ABI1: variants seen among roughly 807,000 people sequenced by gnomAD.
ABI1 encodes Abelson interactor 1.
In ABI1, 14 loss-of-function variants were observed where a neutral mutation model predicts 54.6. That is an observed-to-expected ratio of 0.26 (90% CI 0.17 to 0.40). The LOEUF (loss-of-function observed/expected upper bound fraction) is 0.40. ABI1 is among the 10% of genes least tolerant of loss of function. ABI1 has a pLI of 1.00. For synonymous variants in ABI1, 194 were observed against 209.3 expected, an observed-to-expected ratio of 0.93 and a Z score of 0.63; for missense variants, 443 against 598.3, an observed-to-expected ratio of 0.74 and a Z score of 2.71.
intron 2 of ABI1, among the ~76,000 whole-genome samples, chr10:26,784,800 A>G (rs1842535388): frequency 6.6e-6 from 1 of 152,240 alleles, no homozygotes; most frequent in Admixed American, 6.5e-5. Flanking sequence ...AGAGGCATTC[A>G]GGACGGTCTA....
chr10:26,798,073 C>A (rs185165177), intron 2 of ABI1, among the ~76,000 whole-genome samples: 1 of 151,900 alleles, frequency 6.6e-6, no homozygotes, highest in Non-Finnish European at 1.5e-5. Flanking sequence ...AAAGAAAATC[C>A]AGGGAGACTA....
Position 26,820,539 on chromosome 10 carries a change from T to C in ABI1, c.285+2599A>G, listed in dbSNP as rs575205441. On this transcript the variant is annotated intron_variant, in intron 2 of 10. Transcript: ENST00000376140. ...AACTTAGAAATTATATTCAGCTAAATGAAAATGAAAGCATAACATATCTAA... is the reference window on the plus strand; with the variant it reads ...AACTTAGAAATTATATTCAGCTAAACGAAAATGAAAGCATAACATATCTAA... Among the ~76,000 whole-genome samples, 6 of 150,394 alleles carry C rather than the reference T, an allele frequency of 4.0e-5. No individual in the cohort carries two copies. The East Asian group carries it at 1.2e-3, about 29-fold the overall frequency.
rs2047700721 is a variant in ABI1 at position 26,818,141 on chromosome 10, A to T, written c.285+4997T>A. ...GCCACTGCACTCCAGCTTGGGAGAC[A>T]GAGCAAGACTCCATCTCAAAAAAAA... On this transcript the variant is annotated intron_variant, in intron 2 of 10. Coordinates refer to ENST00000376140, the MANE Select transcript of ABI1 (RefSeq NM_001012750.3). Among the ~76,000 whole-genome samples the T allele has an allele frequency of 2.3e-5, 3 of 128,538 alleles. No homozygotes were observed. The Admixed American group carries it at 2.7e-4, about 12-fold the overall frequency. The allele number at this position is 128,538 out of a possible 152,430, so 84.3% of individuals were successfully genotyped here.
At chr10:26,839,974 A>G (rs1203625540) in intron 1 of ABI1, among the ~76,000 whole-genome samples, 1 of 152,138 alleles carries the variant, frequency 6.6e-6, no homozygotes, top group Admixed American at 6.5e-5. Context: ...GGGGTGACAT[A>G]GAGAGATCCT....
chr10:26,756,733 T>C (rs1008013156), intron 8 of ABI1, among the ~76,000 whole-genome samples: 5 of 152,130 alleles, frequency 3.3e-5, no homozygotes, highest in Non-Finnish European at 7.4e-5. Flanking sequence ...TAGGACTAGA[T>C]AGCAAAATTT....
chr10:26,751,103 A>C (rs952220888), intron 10 of ABI1, among the ~76,000 whole-genome samples: 10 of 152,080 alleles, frequency 6.6e-5, no homozygotes, highest in African/African-American at 2.4e-4. Flanking sequence ...TTTTTTACTT[A>C]TAACAGGTTT....
chr10:26,791,735 G>A (rs1286147637), intron 2 of ABI1, among the ~76,000 whole-genome samples: 4 of 152,086 alleles, frequency 2.6e-5, no homozygotes, highest in Admixed American at 6.6e-5. Flanking sequence ...GTATCTTACA[G>A]TGATAGCACA....
chr10:26,858,553 A>C (rs12218730), intron 1 of ABI1, among the ~76,000 whole-genome samples: 7,681 of 144,928 alleles, frequency 0.053, 208 homozygotes, highest in East Asian at 0.13. Flanking sequence ...AAAAAAAAAA[A>C]AAAAAAAAAA....
intron 2 of ABI1, among the ~76,000 whole-genome samples, chr10:26,804,685 G>T (rs753853482): frequency 2.1e-4 from 32 of 152,036 alleles, no homozygotes; most frequent in Non-Finnish European, 4.3e-4. Context: ...AATCTCCAAG[G>T]TTAGCACTAT....
intron 9 of ABI1, 90 bp from the exon 10 acceptor site, chr10:26,751,873 G>A: frequency 8.6e-7 from 1 of 1,163,246 alleles, no homozygotes; most frequent in Non-Finnish European, 1.2e-6. Context: ...TCTAACTTAA[G>A]TACAGCATGC....
chr10:26,835,503 A>C (rs1011467159), intron 1 of ABI1, among the ~76,000 whole-genome samples: 8 of 152,008 alleles, frequency 5.3e-5, no homozygotes, highest in African/African-American at 1.9e-4. Context: ...TAAGCCCAGA[A>C]GGTTGAGGCT....
At chr10:26,844,413 A>G (rs1038916723) in intron 1 of ABI1, among the ~76,000 whole-genome samples, 2 of 152,230 alleles carry the variant, frequency 1.3e-5, no homozygotes, top group Non-Finnish European at 2.9e-5. Context: ...AAATACCAAC[A>G]ATCTGTAATG....
intron 7 of ABI1, among the ~76,000 whole-genome samples, 175 bp downstream of exon 7, chr10:26,765,043 A>C (rs1839749593): frequency 7.3e-6 from 1 of 137,256 alleles, no homozygotes; most frequent in Non-Finnish European, 1.6e-5. Flanking sequence ...GAAATCCTAA[A>C]GACTTTGTGA....
At chr10:26,837,449 G>A (rs992419489) in intron 1 of ABI1, among the ~76,000 whole-genome samples, 1 of 152,120 alleles carries the variant, frequency 6.6e-6, no homozygotes, top group Non-Finnish European at 1.5e-5. Context: ...ACATGGTGGG[G>A]GAGACGGGTT....
intron 2 of ABI1, among the ~76,000 whole-genome samples, chr10:26,784,829 G>A (rs1023270614): frequency 1.3e-5 from 2 of 152,212 alleles, no homozygotes; most frequent in African/African-American, 4.8e-5. Flanking sequence ...ATCCAGGATT[G>A]TTACAGATAG....
chr10:26,860,644 G>T lies in ABI1; in HGVS notation c.117+103C>A. On this transcript the variant is annotated intron_variant, in intron 1 of 10. Coordinates refer to ENST00000376140, the MANE Select transcript of ABI1 (RefSeq NM_001012750.3). The surrounding 1 kb of genome is among the most constrained non-coding windows in gnomAD (Gnocchi z 4.1). ...GCTGCGGTAGGGGCTCGGGTTGGTGGCAGCCGCTGAGGTCAGGGCAGTTCC... is the reference window on the plus strand; with the variant it reads ...GCTGCGGTAGGGGCTCGGGTTGGTGTCAGCCGCTGAGGTCAGGGCAGTTCC... 1.1e-6 allele frequency: 1 copy of T among 899,764 alleles called. No homozygotes were observed. Among genetic ancestry groups the T allele is most frequent in the African/African-American group, 1.6e-5 (1 of 61,240 alleles). The allele number at this position is 899,764 out of a possible 1,614,324, so 55.7% of individuals were successfully genotyped here.
intron 2 of ABI1, among the ~76,000 whole-genome samples, chr10:26,782,559 C>T (rs1042691135): frequency 5.9e-5 from 9 of 151,998 alleles, no homozygotes; most frequent in African/African-American, 2.2e-4. Flanking sequence ...CCCATCTCTA[C>T]CAAAAATACA....
intron 10 of ABI1, among the ~76,000 whole-genome samples, chr10:26,751,023 G>T (rs1165853809): frequency 6.6e-6 from 1 of 152,160 alleles, no homozygotes; most frequent in Non-Finnish European, 1.5e-5. Context: ...ATACAATGGG[G>T]TTATGTCCCA....
chr10:26,837,803 C>T (rs149923762), intron 1 of ABI1, among the ~76,000 whole-genome samples: 33,180 of 143,192 alleles, frequency 0.23, 4,394 homozygotes, highest in South Asian at 0.4. Flanking sequence ...TTAGTAGAGA[C>T]AGGGTTTCCT....
Sources: allele counts gnomAD v4.1 joint callset (sites outside exome capture counted in the v4.1 genomes callset), GRCh38; gene constraint gnomAD v4.1.1; non-coding constraint Gnocchi (gnomAD v3.1); transcripts MANE v1.5; gene names NCBI Gene and HGNC (gene_info 2026-07-23, HGNC 2026-07-21).